The following GK variants were observed in gnomAD, a reference collection of about 807,000 sequenced individuals.
The protein encoded by GK is glycerol kinase.
GK carries 9 observed loss-of-function variants against 56.4 expected under a neutral mutation model. That is an observed-to-expected ratio of 0.16 (90% CI 0.10 to 0.28). The LOEUF is 0.28. Ranked by LOEUF, GK falls within the 10% of genes least tolerant of loss-of-function variation. The probability of loss-of-function intolerance (pLI) is 1.00; values close to 1 mark genes in which losing one functional copy is unlikely to be tolerated. For synonymous variants in GK, 104 were observed against 144.1 expected (o/e 0.72, Z 1.99); for missense variants, 161 against 431.4 (o/e 0.37, Z 5.55).
intron 3 of GK, among the ~76,000 whole-genome samples, chrX:30,676,976 TAGGG>T (rs763106542): frequency 3.6e-5 from 4 of 111,249 alleles, no homozygotes; most frequent in African/African-American, 1.3e-4. Flanking sequence ...TGCACACACA[TAGGG>T]AGGAAAATTT....
chrX:30,659,968 T>G (rs1455879766), intron 1 of GK, among the ~76,000 whole-genome samples: 1 of 111,280 alleles, frequency 9.0e-6, no homozygotes, highest in African/African-American at 3.3e-5. Context: ...AGGCTGGTCT[T>G]GAACTCCTGA....
At chrX:30,694,577 G>A in intron 6 of GK, 40 bp downstream of exon 6, 1 of 1,113,462 alleles carries the variant, frequency 9.0e-7, no homozygotes, top group South Asian at 1.8e-5. Context: ...AATTTTTTCA[G>A]AAATTTTTTC....
At chrX:30,701,419 CAAAT>C (rs1267981879) in intron 11 of GK, among the ~76,000 whole-genome samples, 1 of 111,922 alleles carries the variant, frequency 8.9e-6, no homozygotes, top group African/African-American at 3.2e-5. Flanking sequence ...CAAAAACAAA[CAAAT>C]AAACAAAACC....
At chrX:30,728,062 A>G (rs978301334) in intron 20 of GK, among the ~76,000 whole-genome samples, 3 of 111,897 alleles carry the variant, frequency 2.7e-5, no homozygotes, top group Non-Finnish European at 5.6e-5. Context: ...AGTTAAAAGA[A>G]TATCTTTTAT....
intron 4 of GK, among the ~76,000 whole-genome samples, chrX:30,678,930 C>A (rs1178012947): frequency 3.8e-5 from 4 of 104,319 alleles, no homozygotes; most frequent in Non-Finnish European, 7.8e-5. Flanking sequence ...GAACTCCTGA[C>A]CTCAAGTGAT....
intron 12 of GK, 67 bp from the exon 13 acceptor site, chrX:30,707,986 TA>T (rs1161871875): frequency 2.5e-5 from 16 of 650,974 alleles, no homozygotes; most frequent in Non-Finnish European, 3.5e-5. Flanking sequence ...ATTTTAACTT[TA>T]AAAAAAAGTT....
chrX:30,671,714 A>G (rs907128234), intron 3 of GK: 6 of 112,189 alleles, frequency 5.3e-5, no homozygotes, highest in African/African-American at 1.6e-4. Flanking sequence ...TCACTCTCCA[A>G]CTGAGCAGCA....
chrX:30,679,650 C>T (rs1227620166), intron 4 of GK, among the ~76,000 whole-genome samples: 7 of 111,286 alleles, frequency 6.3e-5, no homozygotes, highest in Non-Finnish European at 1.1e-4. Flanking sequence ...TACTTATTTC[C>T]TTCTCTTCTG....
chrX:30,723,946 A>G, intron 18 of GK, 155 bp from the exon 19 acceptor site: 1 of 493,339 alleles, frequency 2.0e-6, no homozygotes, highest in Non-Finnish European at 3.7e-6. Context: ...GTCATCAGCA[A>G]CCATGTGCTT....
At chrX:30,704,862 G>A (rs954706749) in intron 11 of GK, among the ~76,000 whole-genome samples, 1 of 111,697 alleles carries the variant, frequency 9.0e-6, no homozygotes, top group Non-Finnish European at 1.9e-5. Context: ...GAGCCACCGC[G>A]CCCAGCCGTT....
intron 4 of GK, among the ~76,000 whole-genome samples, chrX:30,682,881 G>A (rs1161665272): frequency 9.0e-6 from 1 of 111,432 alleles, no homozygotes; most frequent in South Asian, 3.8e-4. Flanking sequence ...GCAGATGACT[G>A]TCTTCTCATC....
In GK at chrX:30,662,709, T is replaced by TTTTCTTTC. The variant is rs201163775; in HGVS notation, c.79-2781_79-2774dup. Among the ~76,000 whole-genome samples the TTTTCTTTC allele has an allele frequency of 6.9e-3, 709 of 102,705 alleles. 18 individuals are homozygous for TTTTCTTTC. The highest frequency in any genetic ancestry group is 0.04 in the Admixed American group (362 of 8,991). The allele number at this position is 102,705 out of a possible 115,157, so 89.2% of individuals were successfully genotyped here. On this transcript the variant is annotated intron_variant, in intron 1 of 20. Coordinates refer to ENST00000427190, the MANE Select transcript of GK (RefSeq NM_001205019.2). ...TCTTTCTTTCTCTCTCTCTTTCTCT[T>TTTTCTTTC]TTTCTTTCTTTCTTTCTTTCTTTCT... is the stretch of plus-strand genomic sequence containing the variant.
intron 19 of GK, among the ~76,000 whole-genome samples, chrX:30,727,157 T>C (rs1320545984): frequency 8.9e-6 from 1 of 112,080 alleles, no homozygotes; most frequent in Non-Finnish European, 1.9e-5. Context: ...AAGCTAAAAT[T>C]AACAGCCTCC....
chrX:30,656,431 C>T (rs1932286578), intron 1 of GK, among the ~76,000 whole-genome samples: 1 of 111,888 alleles, frequency 8.9e-6, no homozygotes, highest in Admixed American at 9.5e-5. Context: ...TCTTTTTTCT[C>T]TGTTAGCAAT....
chrX:30,660,198 G>GTAA (rs62990461), intron 1 of GK, among the ~76,000 whole-genome samples: 2,670 of 108,504 alleles, frequency 0.025, 89 homozygotes, highest in African/African-American at 0.084. Context: ...ATAGGTAATA[G>GTAA]TAATAATAAT....
intron 1 of GK, among the ~76,000 whole-genome samples, chrX:30,656,771 A>G (rs962300431): frequency 4.4e-5 from 5 of 113,008 alleles, no homozygotes; most frequent in Non-Finnish European, 9.4e-5. Context: ...CAGCACTTAA[A>G]GACTGTTCAG....
intron 19 of GK, chrX:30,724,649 G>C (rs771319535): frequency 3.2e-6 from 1 of 310,367 alleles, no homozygotes; most frequent in Non-Finnish European, 6.1e-6. Context: ...TGGAATCAGA[G>C]AAAGAAATAT....
At chrX:30,672,591 A>C (rs1044852429) in intron 3 of GK, among the ~76,000 whole-genome samples, 1 of 112,086 alleles carries the variant, frequency 8.9e-6, no homozygotes, top group East Asian at 2.8e-4. Flanking sequence ...AGGCGGGCGG[A>C]TCACCTGAGG....
intron 4 of GK, among the ~76,000 whole-genome samples, chrX:30,685,531 T>TA (rs1374813175): frequency 1.8e-5 from 2 of 112,157 alleles, no homozygotes; most frequent in African/African-American, 3.2e-5. Flanking sequence ...TATTTTCCGT[T>TA]AAAAAAATTC....
Sources: allele counts gnomAD v4.1 joint callset (sites outside exome capture counted in the v4.1 genomes callset), GRCh38; gene constraint gnomAD v4.1.1; transcripts MANE v1.5; gene names NCBI Gene and HGNC (gene_info 2026-07-23, HGNC 2026-07-21).